TIMM23: variants seen among roughly 807,000 people sequenced by gnomAD.
TIMM23 encodes translocase of inner mitochondrial membrane 23.
Under a neutral mutation model 30.7 loss-of-function variants are expected in TIMM23, and 19 were observed. That is an observed-to-expected ratio of 0.62 (90% CI 0.43 to 0.91). TIMM23 has a LOEUF of 0.91. Among genes scored for constraint, TIMM23 ranks in the 40% least tolerant of loss-of-function variants. The pLI is 0.00. For missense variants in TIMM23, 202 were observed against 269.2 expected, an observed-to-expected ratio of 0.75 and a Z score of 1.75; for synonymous variants, 78 against 98.5, an observed-to-expected ratio of 0.79 and a Z score of 1.23.
chr10:45,972,524 G>C lies in TIMM23; in HGVS notation c.-101G>C, dbSNP rs1837518492. 6.8e-7 allele frequency: 1 copy of C among 1,474,282 alleles called. No homozygotes were observed. The allele number at this position is 1,474,282 out of a possible 1,614,324, so 91.3% of individuals were successfully genotyped here. ...CGGAAGGTCAGCGTGTGAAGTAGGCGCTGGCAACGCGGGGTTACCCGCTGT... is the reference window on the plus strand; with the variant it reads ...CGGAAGGTCAGCGTGTGAAGTAGGCCCTGGCAACGCGGGGTTACCCGCTGT... On this transcript the variant is annotated 5_prime_UTR_variant, in exon 1 of 7. Transcript: ENST00000580018.
intron 2 of TIMM23, among the ~76,000 whole-genome samples, chr10:45,977,352 A>ATAG (rs1437309700): frequency 6.6e-6 from 1 of 152,012 alleles, no homozygotes; most frequent in Non-Finnish European, 1.5e-5. Flanking sequence ...CCACATCATG[A>ATAG]TAGTAACATA....
intron 6 of TIMM23, among the ~76,000 whole-genome samples, chr10:46,001,760 A>G (rs1242753690): frequency 2.0e-5 from 3 of 152,082 alleles, no homozygotes; most frequent in African/African-American, 7.2e-5. Context: ...AGGACTTCAC[A>G]TTTTTTAAAA....
At chr10:45,999,355 T>C (rs1182358482) in intron 6 of TIMM23, among the ~76,000 whole-genome samples, 1 of 152,148 alleles carries the variant, frequency 6.6e-6, no homozygotes, top group Non-Finnish European at 1.5e-5. Context: ...CCTGCCCCGA[T>C]AGTCGCGTAC....
At chr10:45,992,500 T>G (rs1315887528) in intron 6 of TIMM23, 4 of 455,624 alleles carry the variant, frequency 8.8e-6, no homozygotes, top group Non-Finnish European at 1.8e-5. Flanking sequence ...TTATAAACAC[T>G]TGGAGGCTTA....
Position 45,972,714 on chromosome 10 carries a change from T to A in TIMM23, c.90T>A (p.Asp30Glu). The change falls in exon 1 of 7, where the codon GAT (aspartate) becomes GAA (glutamate). Residue 30 changes from aspartate (D) to glutamate (E), a missense_variant. Asp to Glu is a conservative substitution (Grantham distance 45). Coordinates refer to ENST00000580018, the MANE Select transcript of TIMM23 (RefSeq NM_006327.4). ...GAGGAGYSHADLAGVPLTGMN... is the reference protein window; with the variant it reads ...GAGGAGYSHAELAGVPLTGMN... ...GCGGAGCAGGTTACTCGCACGCGGATTTGGCTGGCGTCCCGCGTAAGTATG... is the reference window on the plus strand; with the variant it reads ...GCGGAGCAGGTTACTCGCACGCGGAATTGGCTGGCGTCCCGCGTAAGTATG... The A allele has an allele frequency of 6.2e-7, 1 of 1,613,878 alleles. No homozygotes were observed. Among genetic ancestry groups the A allele is most frequent in the Non-Finnish European group, 8.5e-7 (1 of 1,179,854 alleles).
intron 6 of TIMM23, among the ~76,000 whole-genome samples, chr10:46,000,729 C>T (rs181611058): frequency 6.4e-4 from 97 of 152,350 alleles, no homozygotes; most frequent in Non-Finnish European, 1.0e-4. Flanking sequence ...TTCCAAAGCC[C>T]ATGGACTGAC....
At chr10:45,990,619 C>CA (rs1465906596) in intron 6 of TIMM23, 1 of 395,544 alleles carries the variant, frequency 2.5e-6, no homozygotes, top group Non-Finnish European at 4.9e-6. Flanking sequence ...GATGGGGTCT[C>CA]ACTGTGTTGC....
chr10:45,978,205 T>C (rs2132246284), intron 2 of TIMM23, among the ~76,000 whole-genome samples: 1 of 151,590 alleles, frequency 6.6e-6, no homozygotes, highest in East Asian at 2.0e-4. Flanking sequence ...ATACAAAAAT[T>C]AGCCGGGTGT....
At chr10:45,981,442 A>C (rs2132253023) in intron 2 of TIMM23, among the ~76,000 whole-genome samples, 1 of 151,840 alleles carries the variant, frequency 6.6e-6, no homozygotes, top group Non-Finnish European at 1.5e-5. Context: ...AAAACTCTAT[A>C]CAATTATATT....
intron 5 of TIMM23, among the ~76,000 whole-genome samples, chr10:45,985,716 A>G (rs1837971683): frequency 6.6e-6 from 1 of 152,238 alleles, no homozygotes; most frequent in Non-Finnish European, 1.5e-5. Flanking sequence ...CAATAAAATC[A>G]TGTTTAAATG....
intron 1 of TIMM23, among the ~76,000 whole-genome samples, chr10:45,975,181 C>A (rs1406172629): frequency 2.6e-5 from 4 of 152,172 alleles, no homozygotes; most frequent in African/African-American, 9.7e-5. Context: ...GACTACACTT[C>A]CTGTAAGTTC....
intron 6 of TIMM23, among the ~76,000 whole-genome samples, chr10:45,999,353 G>A (rs974286321): frequency 6.6e-5 from 10 of 152,160 alleles, no homozygotes; most frequent in South Asian, 2.1e-4. Context: ...AACCTGCCCC[G>A]ATAGTCGCGT....
At chr10:45,993,194 T>G (rs1838218434) in intron 6 of TIMM23, among the ~76,000 whole-genome samples, 1 of 147,828 alleles carries the variant, frequency 6.8e-6, no homozygotes, top group Non-Finnish European at 1.5e-5. Context: ...TACTGCCAAA[T>G]GACCCTTCTA....
Position 45,972,598 on chromosome 10 carries a change from G to C in TIMM23, c.-27G>C, listed in dbSNP as rs376212468. 1.4e-5 allele frequency: 22 copies of C among 1,597,882 alleles called. No homozygotes were observed. The Admixed American group carries it at 3.0e-4, about 22-fold the overall frequency. On this transcript the variant is annotated 5_prime_UTR_variant, in exon 1 of 7. Coordinates refer to ENST00000580018, the MANE Select transcript of TIMM23 (RefSeq NM_006327.4). ...GACCACCCAGGCTTGAGGCAGCGGC[G>C]GGAACCACTCGGTTTGCTGCGATAC... is the stretch of plus-strand genomic sequence containing the variant.
At chr10:45,993,682 T>C (rs1667648211) in intron 6 of TIMM23, among the ~76,000 whole-genome samples, 2 of 146,052 alleles carry the variant, frequency 1.4e-5, no homozygotes, top group African/African-American at 5.2e-5. Context: ...ATGAAGAGAA[T>C]AAATGAAATA....
At chr10:45,981,933 G>T (rs1837859270) in intron 2 of TIMM23, among the ~76,000 whole-genome samples, 3 of 152,074 alleles carry the variant, frequency 2.0e-5, no homozygotes, top group Admixed American at 2.0e-4. Context: ...TATTTTGGAT[G>T]ACCTTCCAGG....
chr10:45,975,578 T>C, intron 2 of TIMM23, 66 bp downstream of exon 2: 8 of 1,600,206 alleles, frequency 5.0e-6, no homozygotes, highest in Admixed American at 1.7e-5. Flanking sequence ...CCAAGTGCTA[T>C]GCTGACTTGA....
rs1554912797 is a variant in TIMM23 at position 45,975,382 on chromosome 10, G to C, written c.107-72G>C. The C allele has an allele frequency of 2.1e-4, 322 of 1,547,082 alleles. 5 individuals carry two copies. The South Asian group carries it at 3.4e-3, about 16-fold the overall frequency. ...AAATTGCAAACACATGTAACAGTCA[G>C]GAGCTGGATTAACTCTAACTGGATT... On this transcript the variant is annotated intron_variant, in intron 1 of 6. Coordinates refer to ENST00000580018, the MANE Select transcript of TIMM23 (RefSeq NM_006327.4).
At chr10:45,997,261 T>G (rs1327814903) in intron 6 of TIMM23, among the ~76,000 whole-genome samples, 1 of 152,012 alleles carries the variant, frequency 6.6e-6, no homozygotes, top group African/African-American at 2.4e-5. Context: ...TATTCTGCCT[T>G]TAAAAAGGAA....
Sources: allele counts gnomAD v4.1 joint callset (sites outside exome capture counted in the v4.1 genomes callset), GRCh38; gene constraint gnomAD v4.1.1; transcripts MANE v1.5; gene names NCBI Gene and HGNC (gene_info 2026-07-23, HGNC 2026-07-21).